IL1RAPL1: variants seen among roughly 807,000 people sequenced by gnomAD.
The protein encoded by IL1RAPL1 is interleukin-1 receptor accessory protein-like 1.
A neutral mutation model predicts 48.4 loss-of-function variants in IL1RAPL1; 3 were observed. The ratio of observed to expected loss-of-function variants is 0.06; its 90% CI spans 0.03 to 0.16. IL1RAPL1 has a LOEUF of 0.16. IL1RAPL1 is among the 10% of genes least tolerant of loss of function. IL1RAPL1 has a pLI of 1.00. For synonymous variants in IL1RAPL1, 185 were observed against 187.7 expected (o/e 0.99, Z 0.12); for missense variants, 349 against 530.6 (o/e 0.66, Z 3.36).
intron 2 of IL1RAPL1, among the ~76,000 whole-genome samples, chrX:28,837,682 CTTTTTTT>C (rs58666924): frequency 2.7e-5 from 1 of 37,220 alleles, no homozygotes; most frequent in African/African-American, 1.1e-4. Context: ...CATTCCACTT[CTTTTTTT>C]TTTTTTTTTT....
intron 6 of IL1RAPL1, among the ~76,000 whole-genome samples, chrX:29,766,358 TATATAGATAGATAG>T (rs1222179794): frequency 2.2e-4 from 18 of 80,704 alleles, no homozygotes; most frequent in Admixed American, 3.1e-4. Flanking sequence ...TATATATATA[TATATAGATAGATAG>T]ATAGATAGAT....
chrX:29,334,071 G>A (rs1273121891), intron 3 of IL1RAPL1, among the ~76,000 whole-genome samples: 2 of 89,025 alleles, frequency 2.2e-5, no homozygotes, highest in Admixed American at 1.1e-4. Flanking sequence ...CCGGGCGGGG[G>A]GCTGACCGCC....
At chrX:29,924,730 G>A (rs1271480328) in intron 8 of IL1RAPL1, among the ~76,000 whole-genome samples, 1 of 111,547 alleles carries the variant, frequency 9.0e-6, no homozygotes, top group East Asian at 2.8e-4. Flanking sequence ...TTGGGAACTG[G>A]CAAAGTATCT....
chrX:29,488,489 A>G (rs1057406777), intron 5 of IL1RAPL1, among the ~76,000 whole-genome samples: 4 of 112,138 alleles, frequency 3.6e-5, no homozygotes, highest in African/African-American at 1.3e-4. Flanking sequence ...CTGCAGATCT[A>G]TTGTGCAGCA....
intron 8 of IL1RAPL1, among the ~76,000 whole-genome samples, chrX:29,928,720 A>G (rs1253284771): frequency 8.9e-6 from 1 of 111,757 alleles, no homozygotes; most frequent in Non-Finnish European, 1.9e-5. Context: ...GTGCATTTTT[A>G]TGGCTGCAAA....
At chrX:28,815,839 G>GTATATATATATATATATA (rs61436993) in intron 2 of IL1RAPL1, among the ~76,000 whole-genome samples, 4 of 29,109 alleles carry the variant, frequency 1.4e-4, no homozygotes, top group Non-Finnish European at 3.1e-4. Flanking sequence ...GTGTGTTTAT[G>GTATATATATATATATATA]TATATATATA....
chrX:29,803,630 TGTGTATATATATACACGC>T (rs1245349865), intron 6 of IL1RAPL1, among the ~76,000 whole-genome samples: 2 of 104,101 alleles, frequency 1.9e-5, no homozygotes, highest in African/African-American at 3.5e-5. Context: ...TATGTATATA[TGTGTATATATATACACGC>T]GTGTATATAT....
chrX:28,876,811 A>G (rs1270634372), intron 2 of IL1RAPL1, among the ~76,000 whole-genome samples: 1 of 111,311 alleles, frequency 9.0e-6, no homozygotes, highest in Non-Finnish European at 1.9e-5. Context: ...AAGATTTTCT[A>G]CAAGATTTGT....
chrX:28,636,441 C>A (rs1356716870), intron 1 of IL1RAPL1, among the ~76,000 whole-genome samples: 1 of 111,558 alleles, frequency 9.0e-6, no homozygotes, highest in Non-Finnish European at 1.9e-5. Flanking sequence ...TGTTGCCTCC[C>A]TGATTTCATT....
chrX:29,274,197 A>C (rs779206724), intron 2 of IL1RAPL1, among the ~76,000 whole-genome samples: 2 of 112,088 alleles, frequency 1.8e-5, no homozygotes, highest in African/African-American at 6.5e-5. Flanking sequence ...GGAGGTACAC[A>C]GATACATTTT....
intron 5 of IL1RAPL1, among the ~76,000 whole-genome samples, chrX:29,600,402 C>A (rs1923682438): frequency 8.9e-6 from 1 of 111,819 alleles, no homozygotes; most frequent in Non-Finnish European, 1.9e-5. Flanking sequence ...GCCATGGATA[C>A]CAGCCCTTCT....
chrX:29,903,695 A>G (rs1932547879), intron 6 of IL1RAPL1, among the ~76,000 whole-genome samples: 1 of 111,706 alleles, frequency 9.0e-6, no homozygotes, highest in Admixed American at 9.5e-5. Flanking sequence ...TTTTCCTCTA[A>G]GACCCCTCAA....
chrX:29,398,853 A>G (rs1421768829), intron 4 of IL1RAPL1, among the ~76,000 whole-genome samples: 1 of 111,965 alleles, frequency 8.9e-6, no homozygotes, highest in African/African-American at 3.2e-5. Context: ...ATAAATCAGT[A>G]CATATCTGGT....
intron 2 of IL1RAPL1, among the ~76,000 whole-genome samples, chrX:28,871,388 C>T (rs1320210540): frequency 2.7e-5 from 3 of 111,818 alleles, no homozygotes; most frequent in African/African-American, 6.5e-5. Flanking sequence ...ATAGTAGGAA[C>T]AGGATAAGCT....
At chrX:28,709,474 C>G (rs997787655) in intron 1 of IL1RAPL1, among the ~76,000 whole-genome samples, 1 of 110,282 alleles carries the variant, frequency 9.1e-6, no homozygotes, top group Non-Finnish European at 1.9e-5. Context: ...TTTGTGTGCC[C>G]AAAACATGAA....
At chrX:29,812,554 A>G (rs1930403255) in intron 6 of IL1RAPL1, among the ~76,000 whole-genome samples, 1 of 111,436 alleles carries the variant, frequency 9.0e-6, no homozygotes, top group Non-Finnish European at 1.9e-5. Flanking sequence ...GTTCATCATT[A>G]ACGTTCTGCT....
At chrX:29,503,480 G>A (rs1935296224) in intron 5 of IL1RAPL1, among the ~76,000 whole-genome samples, 1 of 110,980 alleles carries the variant, frequency 9.0e-6, no homozygotes, top group South Asian at 3.7e-4. Flanking sequence ...TTTGATATAG[G>A]CACTTATTAC....
intron 2 of IL1RAPL1, among the ~76,000 whole-genome samples, chrX:29,151,525 C>G (rs1479346302): frequency 9.0e-6 from 1 of 111,176 alleles, no homozygotes; most frequent in Non-Finnish European, 1.9e-5. Flanking sequence ...GCATGACCCC[C>G]CAAACACAAC....
chrX:29,212,538 A>G (rs1332253048), intron 2 of IL1RAPL1, among the ~76,000 whole-genome samples: 3 of 111,229 alleles, frequency 2.7e-5, no homozygotes, highest in Non-Finnish European at 3.8e-5. Context: ...CAAACTCCTG[A>G]CCTCAGGTGA....
Sources: gnomAD v4.1 joint callset for allele counts (sites outside exome capture counted in the v4.1 genomes callset) on GRCh38, gnomAD v4.1.1 for gene constraint, MANE v1.5 for transcripts, NCBI Gene and HGNC (gene_info 2026-07-23, HGNC 2026-07-21) for gene names.